The following SHROOM3 variants were observed in gnomAD, a reference collection of about 807,000 sequenced individuals.
SHROOM3 encodes the protein shroom family member 3.
SHROOM3 carries 47 observed loss-of-function variants against 138.6 expected under a neutral mutation model. The observed-to-expected ratio is 0.34, with a 90% CI of 0.27 to 0.43. SHROOM3 has a LOEUF of 0.43. SHROOM3 is among the 20% of genes least tolerant of loss of function. The probability of loss-of-function intolerance (pLI) is 1.00; values close to 1 mark genes in which losing one functional copy is unlikely to be tolerated. For synonymous variants in SHROOM3, 1,062 were observed against 1,063.3 expected (o/e 1.00, Z 0.02); for missense variants, 2,491 against 2,596.5 (o/e 0.96, Z 0.88).
intron 1 of SHROOM3, among the ~76,000 whole-genome samples, chr4:76,499,742 T>G (rs1732050935): frequency 6.6e-6 from 1 of 152,120 alleles, no homozygotes; most frequent in Admixed American, 6.5e-5. Flanking sequence ...CAGGGAAGTC[T>G]TCACAGAGAA....
chr4:76,686,608 A>C (rs1025924920), intron 2 of SHROOM3, among the ~76,000 whole-genome samples: 14 of 152,156 alleles, frequency 9.2e-5, no homozygotes, highest in African/African-American at 3.4e-4. Flanking sequence ...AAAGATACTC[A>C]TTCTCACAGG....
At chr4:76,504,078 A>G (rs1325620629) in intron 1 of SHROOM3, among the ~76,000 whole-genome samples, 2 of 152,190 alleles carry the variant, frequency 1.3e-5, no homozygotes, top group Non-Finnish European at 2.9e-5. Flanking sequence ...AGGAAGAGAC[A>G]ACTGTAAGAG....
chr4:76,689,536 G>C, intron 2 of SHROOM3: 1 of 984,044 alleles, frequency 1.0e-6, no homozygotes, highest in Non-Finnish European at 1.2e-6. Context: ...CCGCGGCGCG[G>C]TGGCGCGGTG....
At chr4:76,538,515 C>T (rs1426309870) in intron 1 of SHROOM3, among the ~76,000 whole-genome samples, 1 of 152,082 alleles carries the variant, frequency 6.6e-6, no homozygotes, top group East Asian at 1.9e-4. Flanking sequence ...GGGGGAAAAT[C>T]TTCACCAAGT....
At chr4:76,686,500 TTTAAA>T (rs1217309764) in intron 2 of SHROOM3, among the ~76,000 whole-genome samples, 3 of 152,326 alleles carry the variant, frequency 2.0e-5, no homozygotes, top group South Asian at 2.1e-4. Flanking sequence ...TGTATTAGAC[TTTAAA>T]TTAAGATGAA....
At chr4:76,667,966 C>CA (rs747974205) in intron 2 of SHROOM3, among the ~76,000 whole-genome samples, 3,106 of 62,448 alleles carry the variant, frequency 0.05, 270 homozygotes, top group Middle Eastern at 0.071. Flanking sequence ...GACTCCCTCT[C>CA]AAAAAAAAAA....
chr4:76,663,325 C>G (rs1218188180), intron 2 of SHROOM3, among the ~76,000 whole-genome samples: 1 of 151,852 alleles, frequency 6.6e-6, no homozygotes, highest in Non-Finnish European at 1.5e-5. Context: ...CTCACTCAAC[C>G]CGGGGACCCT....
At chr4:76,677,884 A>G (rs1719085456) in intron 2 of SHROOM3, among the ~76,000 whole-genome samples, 1 of 152,230 alleles carries the variant, frequency 6.6e-6, no homozygotes, top group African/African-American at 2.4e-5. Context: ...AAAAGCAAAT[A>G]AACTGGAAAG....
Position 76,757,427 on chromosome 4 carries a change from G to T in SHROOM3, c.5198+490G>T, listed in dbSNP as rs147644504. On this transcript the variant is annotated intron_variant, in intron 8 of 10. Coordinates refer to ENST00000296043, the MANE Select transcript of SHROOM3 (RefSeq NM_020859.4). Reference sequence around the variant, plus strand: ...CCAGCTCAGCAAAGGTGTACTTGCCGGTTCTGTATCAGAGCTGCTCTGGCA... The same window carrying T: ...CCAGCTCAGCAAAGGTGTACTTGCCTGTTCTGTATCAGAGCTGCTCTGGCA... Among the ~76,000 whole-genome samples the T allele has an allele frequency of 1.8e-4, 28 of 152,152 alleles. 1 individual carries two copies. Among genetic ancestry groups the T allele is most frequent in the Non-Finnish European group, 8.8e-5 (6 of 68,042 alleles).
At chr4:76,489,268 G>GTA (rs1394900000) in intron 1 of SHROOM3, among the ~76,000 whole-genome samples, 5 of 152,166 alleles carry the variant, frequency 3.3e-5, no homozygotes, top group Non-Finnish European at 7.4e-5. Context: ...GAATGCTCCT[G>GTA]TATATAATAT....
chr4:76,439,121 G>A (rs998368401), intron 1 of SHROOM3, among the ~76,000 whole-genome samples: 4 of 152,122 alleles, frequency 2.6e-5, no homozygotes, highest in Non-Finnish European at 5.9e-5. Flanking sequence ...GGAGGCTCTA[G>A]GGGAAGATGT....
chr4:76,590,428 G>C (rs754104954), intron 2 of SHROOM3, among the ~76,000 whole-genome samples: 5 of 151,984 alleles, frequency 3.3e-5, no homozygotes, highest in African/African-American at 1.2e-4. Context: ...GCAGAGCTCC[G>C]AGCTCAGGCC....
chr4:76,744,317 T>A (rs1320948708), intron 5 of SHROOM3, among the ~76,000 whole-genome samples: 1 of 152,232 alleles, frequency 6.6e-6, no homozygotes, highest in Non-Finnish European at 1.5e-5. Flanking sequence ...ATGAAATACT[T>A]CTTTTGTACT....
At chr4:76,441,070 G>A (rs1334927879) in intron 1 of SHROOM3, among the ~76,000 whole-genome samples, 2 of 141,846 alleles carry the variant, frequency 1.4e-5, no homozygotes, top group Non-Finnish European at 3.1e-5. Context: ...TTCAGCCACA[G>A]TCCTGAGTTC....
rs190117214 is a variant in SHROOM3, at chr4:76,493,799, T to C, written c.168+57579T>C. 5.4e-3 allele frequency among the ~76,000 whole-genome samples: 818 copies of C among 152,200 alleles called. 8 individuals carry two copies. Among genetic ancestry groups the C allele is most frequent in the African/African-American group, 0.019 (786 of 41,526 alleles). On this transcript the variant is annotated intron_variant, in intron 1 of 10. Coordinates refer to ENST00000296043, the MANE Select transcript of SHROOM3 (RefSeq NM_020859.4). ...TTCGAGACCAGCCTGGCCAACATGGTGAAAGCCTGTCTCTACTAAAAATAC... is the reference window on the plus strand; with the variant it reads ...TTCGAGACCAGCCTGGCCAACATGGCGAAAGCCTGTCTCTACTAAAAATAC...
chr4:76,525,019 G>C (rs1732660598), intron 1 of SHROOM3, among the ~76,000 whole-genome samples: 1 of 152,192 alleles, frequency 6.6e-6, no homozygotes. Context: ...CTATCTTCCA[G>C]AGTGTCTATA....
intron 9 of SHROOM3, among the ~76,000 whole-genome samples, chr4:76,770,273 G>A (rs1236001948): frequency 1.5e-5 from 2 of 135,620 alleles, no homozygotes; most frequent in South Asian, 2.4e-4. Flanking sequence ...GCAGTGAGCC[G>A]AGATTGAACC....
At chr4:76,659,301 A>C (rs1345457465) in intron 2 of SHROOM3, among the ~76,000 whole-genome samples, 1 of 152,232 alleles carries the variant, frequency 6.6e-6, no homozygotes, top group East Asian at 1.9e-4. Flanking sequence ...CTGAGGACAG[A>C]AGCCAACAGC....
chr4:76,624,336 G>A (rs2110068028), intron 2 of SHROOM3, among the ~76,000 whole-genome samples: 1 of 152,160 alleles, frequency 6.6e-6, no homozygotes, highest in East Asian at 1.9e-4. Flanking sequence ...TCTTGGTCTT[G>A]TGGCTTTAAC....
Sources: allele counts gnomAD v4.1 joint callset (sites outside exome capture counted in the v4.1 genomes callset), GRCh38; gene constraint gnomAD v4.1.1; transcripts MANE v1.5; gene names NCBI Gene and HGNC (gene_info 2026-07-23, HGNC 2026-07-21).